The following IGF1R variants were observed in gnomAD, a reference collection of about 807,000 sequenced individuals.
The protein encoded by IGF1R is insulin like growth factor 1 receptor, also known as insulin-like growth factor 1 receptor.
Under a neutral mutation model 144.6 loss-of-function variants are expected in IGF1R, and 44 were observed. The ratio of observed to expected loss-of-function variants is 0.30; its 90% CI spans 0.24 to 0.39. IGF1R has a LOEUF of 0.39. Ranked by LOEUF, IGF1R falls within the 10% of genes least tolerant of loss-of-function variation. The probability of loss-of-function intolerance (pLI) is 1.00; values close to 1 mark genes in which losing one functional copy is unlikely to be tolerated. For synonymous variants in IGF1R, 795 were observed against 722.8 expected (o/e 1.10, Z -1.60); for missense variants, 1,355 against 1,833.7 (o/e 0.74, Z 4.77).
intron 10 of IGF1R, 78 bp from the exon 11 acceptor site, chr15:98,922,070 C>T: frequency 6.7e-7 from 1 of 1,503,464 alleles, no homozygotes; most frequent in Non-Finnish European, 9.3e-7. Context: ...TAAGATTCTT[C>T]TGTTACTCTT....
chr15:98,661,956 C>T lies in IGF1R; in HGVS notation c.94+12281C>T, dbSNP rs111235566. Among the ~76,000 whole-genome samples the T allele has an allele frequency of 7.7e-3, 809 of 105,706 alleles. 18 individuals are homozygous for T. Among genetic ancestry groups the T allele is most frequent in the African/African-American group, 0.035 (773 of 22,332 alleles). 69.3% of individuals were successfully genotyped at this position (105,706 alleles called of 152,430 possible). ...GAATTGCTGCCAGTTGAATAGGGCC[C>T]TTTTTTTTTTTTTTTTTTTTTTTTT... On this transcript the variant is annotated intron_variant, in intron 1 of 20. Transcript: ENST00000650285.
chr15:98,836,785 A>G (rs1267173619), intron 2 of IGF1R, among the ~76,000 whole-genome samples: 1 of 152,102 alleles, frequency 6.6e-6, no homozygotes, highest in Non-Finnish European at 1.5e-5. Flanking sequence ...TGACCTTGAT[A>G]TTTTTGAATA....
chr15:98,899,163 C>T (rs2014346772), intron 4 of IGF1R, among the ~76,000 whole-genome samples: 1 of 152,202 alleles, frequency 6.6e-6, no homozygotes, highest in Admixed American at 6.5e-5. Flanking sequence ...AAGACGTTCC[C>T]TACATTCGTC....
chr15:98,864,622 G>A (rs2012328997), intron 2 of IGF1R, among the ~76,000 whole-genome samples: 2 of 152,208 alleles, frequency 1.3e-5, no homozygotes, highest in Admixed American at 6.5e-5. Flanking sequence ...CTGGCCTCAA[G>A]CTATCTTCTC....
At chr15:98,693,298 A>G (rs577729662) in intron 1 of IGF1R, among the ~76,000 whole-genome samples, 1 of 152,264 alleles carries the variant, frequency 6.6e-6, no homozygotes, top group African/African-American at 2.4e-5. Context: ...GAGTAGTGCC[A>G]TTTCCATGTA....
At chr15:98,877,233 A>G (rs1304941412) in intron 2 of IGF1R, among the ~76,000 whole-genome samples, 1 of 152,240 alleles carries the variant, frequency 6.6e-6, no homozygotes, top group Non-Finnish European at 1.5e-5. Flanking sequence ...CTAAAACAAA[A>G]GTGTTAAAGG....
chr15:98,656,927 G>T (rs1406182097), intron 1 of IGF1R, among the ~76,000 whole-genome samples: 1 of 152,154 alleles, frequency 6.6e-6, no homozygotes, highest in African/African-American at 2.4e-5. Flanking sequence ...GGAATTATTT[G>T]TCAGTTTAAA....
At chr15:98,921,574 G>A (rs1022945826) in intron 10 of IGF1R, among the ~76,000 whole-genome samples, 3 of 151,908 alleles carry the variant, frequency 2.0e-5, no homozygotes, top group Non-Finnish European at 4.4e-5. Context: ...GGGTGGGCTC[G>A]CAGCAGGAGC....
intron 2 of IGF1R, among the ~76,000 whole-genome samples, chr15:98,754,447 A>C (rs909111487): frequency 6.6e-6 from 1 of 152,206 alleles, no homozygotes; most frequent in Non-Finnish European, 1.5e-5. Flanking sequence ...TTTAAGTACC[A>C]GTTGAGAAGC....
chr15:98,813,611 T>C (rs901353923), intron 2 of IGF1R, among the ~76,000 whole-genome samples: 3 of 152,248 alleles, frequency 2.0e-5, no homozygotes, highest in African/African-American at 7.2e-5. Context: ...AGTAACAGAC[T>C]TTTTCAGTGG....
At chr15:98,862,067 TTCCC>T (rs1271835901) in intron 2 of IGF1R, among the ~76,000 whole-genome samples, 1 of 152,234 alleles carries the variant, frequency 6.6e-6, no homozygotes, top group Non-Finnish European at 1.5e-5. Flanking sequence ...TTTTATTGCC[TTCCC>T]TACCACATAG....
At position 98,760,361 on chromosome 15, in the gene IGF1R, A is replaced by AAAATCCGTTT. The variant is rs3076031; in HGVS notation, c.640+52255_640+52256insAATCCGTTTA. On this transcript the variant is annotated intron_variant, in intron 2 of 20. Transcript: ENST00000650285. ...AGAGAGACTGCCTCAAAAAAAAAAA[A>AAAATCCGTTT]ATCCGTTTACATAGTGATAAATAAA... Among the ~76,000 whole-genome samples the AAAATCCGTTT allele has an allele frequency of 2.4e-4, 36 of 152,118 alleles. 1 individual carries two copies. In the East Asian group the frequency reaches 2.9e-3, roughly 12 times the overall value.
intron 2 of IGF1R, among the ~76,000 whole-genome samples, chr15:98,817,214 A>G (rs986452664): frequency 4.6e-5 from 7 of 152,102 alleles, no homozygotes; most frequent in African/African-American, 1.7e-4. Context: ...AAGCAGGAGA[A>G]TGGCTTGAAC....
At chr15:98,944,112 C>T (rs1228602955) in intron 19 of IGF1R, among the ~76,000 whole-genome samples, 2 of 152,170 alleles carry the variant, frequency 1.3e-5, no homozygotes, top group Non-Finnish European at 2.9e-5. Context: ...GAGGAGAGAG[C>T]AAGCCTGGGT....
Position 98,908,771 on chromosome 15 carries a change from A to G in IGF1R, c.1334A>G (p.Lys445Arg). ...DHRNLTIKAG[K>R]MYFAFNPKLC... is the part of the protein sequence containing the mutation. ...CGCAACCTGACCATCAAAGCAGGGA[A>G]AATGTACTTTGCTTTCAATCCCAAA... is the stretch of plus-strand genomic sequence containing the variant. Residue 445 changes from lysine to arginine, a missense_variant, in exon 6 of 21, where the codon AAA (lysine) becomes AGA (arginine). This residue lies in a region of IGF1R where 880 missense variants were observed against 1,202.7 expected (regional missense o/e 0.73). Coordinates refer to ENST00000650285, the MANE Select transcript of IGF1R (RefSeq NM_000875.5). The G allele has an allele frequency of 1.9e-6, 3 of 1,614,234 alleles. No individual in the cohort carries two copies. The highest frequency in any genetic ancestry group is 2.2e-5 in the South Asian group (2 of 91,086).
intron 2 of IGF1R, among the ~76,000 whole-genome samples, chr15:98,709,405 G>T (rs1352795224): frequency 1.3e-5 from 2 of 152,164 alleles, no homozygotes. Context: ...GAGGGCAGGG[G>T]TCCCACTGGC....
At chr15:98,730,534 G>A (rs1024212324) in intron 2 of IGF1R, among the ~76,000 whole-genome samples, 24 of 152,190 alleles carry the variant, frequency 1.6e-4, no homozygotes, top group African/African-American at 5.5e-4. Flanking sequence ...CCCATACTTA[G>A]TGCACATAGA....
intron 10 of IGF1R, chr15:98,917,091 T>G: frequency 1.6e-6 from 1 of 628,906 alleles, no homozygotes; most frequent in East Asian, 2.9e-5. Context: ...CTTGGGTTGC[T>G]GGGGCCACCG....
chr15:98,780,169 AT>A (rs2055821700), intron 2 of IGF1R, among the ~76,000 whole-genome samples: 1 of 151,882 alleles, frequency 6.6e-6, no homozygotes, highest in African/African-American at 2.4e-5. Context: ...AATAAATAAA[AT>A]AAAAAAAGAA....
Sources: allele counts gnomAD v4.1 joint callset (sites outside exome capture counted in the v4.1 genomes callset), GRCh38; gene constraint gnomAD v4.1.1; regional missense constraint gnomAD v4.1.1; transcripts MANE v1.5; gene names NCBI Gene and HGNC (gene_info 2026-07-23, HGNC 2026-07-21).